The following SLAIN2 variants were observed in gnomAD, a reference collection of about 807,000 sequenced individuals.
SLAIN2 encodes SLAIN family member 2.
SLAIN2 carries 31 observed loss-of-function variants against 56.6 expected under a neutral mutation model. The observed-to-expected ratio is 0.55, with a 90% CI of 0.41 to 0.74. SLAIN2 has a LOEUF of 0.74. Among genes scored for constraint, SLAIN2 ranks in the 30% least tolerant of loss-of-function variants. SLAIN2 has a pLI of 0.00. For synonymous variants in SLAIN2, 317 were observed against 284.9 expected, an observed-to-expected ratio of 1.11 and a Z score of -1.13; for missense variants, 777 against 754.2, an observed-to-expected ratio of 1.03 and a Z score of -0.35.
At chr4:48,373,635 A>G (rs1352420831) in intron 2 of SLAIN2, among the ~76,000 whole-genome samples, 1 of 151,972 alleles carries the variant, frequency 6.6e-6, no homozygotes. Context: ...TTTTAGTGGT[A>G]TATATATATA....
intron 6 of SLAIN2, among the ~76,000 whole-genome samples, chr4:48,413,276 G>C (rs945160104): frequency 1.3e-5 from 2 of 151,774 alleles, no homozygotes; most frequent in Non-Finnish European, 2.9e-5. Flanking sequence ...TTTCTCTTTT[G>C]GTTCCTGGTA....
chr4:48,364,873 AGGGAGG>A (rs375928233), intron 1 of SLAIN2, among the ~76,000 whole-genome samples: 4,883 of 44,884 alleles, frequency 0.11, 138 homozygotes, highest in Admixed American at 0.18. Flanking sequence ...GAGACGGGAG[AGGGAGG>A]GGGAGGGGGA....
chr4:48,413,604 A>G (rs1716922605), intron 6 of SLAIN2, among the ~76,000 whole-genome samples: 1 of 152,234 alleles, frequency 6.6e-6, no homozygotes. Context: ...ACAGTATAGT[A>G]AGGGATCGTT....
At chr4:48,413,057 G>A (rs539859254) in intron 6 of SLAIN2, among the ~76,000 whole-genome samples, 11 of 151,922 alleles carry the variant, frequency 7.2e-5, no homozygotes, top group South Asian at 4.2e-4. Flanking sequence ...GCAAAACTCC[G>A]TCTCTACCAA....
Position 48,420,346 on chromosome 4 carries a change from G to A in SLAIN2, c.1582G>A (p.Gly528Arg). The change falls in exon 7 of 8, where the codon GGG becomes AGG. Residue 528 changes from glycine (G) to arginine (R), a missense_variant. Physicochemically the swap from Gly to Arg is moderately radical, Grantham distance 125. Transcript: ENST00000264313. ...CAGCGCTACTCTAACCAGACCTGCA[G>A]GGACAACTGCAATGAGAAGTGGCTT... ...INSATLTRPA[G>R]TTAMRSGLPR... The A allele has an allele frequency of 6.2e-7, 1 of 1,614,002 alleles. No homozygotes were observed. Among genetic ancestry groups the A allele is most frequent in the East Asian group, 2.2e-5 (1 of 44,884 alleles).
At chr4:48,376,809 G>GA (rs1715826975) in intron 2 of SLAIN2, among the ~76,000 whole-genome samples, 1 of 150,618 alleles carries the variant, frequency 6.6e-6, no homozygotes, top group African/African-American at 2.4e-5. Context: ...TTTTTTAGTA[G>GA]AGACGGGGTT....
chr4:48,398,573 G>T (rs924813865), intron 6 of SLAIN2, among the ~76,000 whole-genome samples: 8 of 152,164 alleles, frequency 5.3e-5, no homozygotes, highest in African/African-American at 1.9e-4. Context: ...CTTTGCCCAT[G>T]CCTGTGTCCT....
rs866181010 is a variant in SLAIN2 at position 48,342,184 on chromosome 4, C to T, written c.389+56C>T. On this transcript the variant is annotated intron_variant, in intron 1 of 7. Transcript: ENST00000264313. ...CGGGGACGGGCCCGGGGGCGGAGAGCGTCCTCTGAGGGTCCCTCTGGTCGG... is the reference window on the plus strand; with the variant it reads ...CGGGGACGGGCCCGGGGGCGGAGAGTGTCCTCTGAGGGTCCCTCTGGTCGG... 8.1e-5 allele frequency: 107 copies of T among 1,329,134 alleles called. 1 individual carries two copies. In the Middle Eastern group the frequency reaches 3.6e-3, roughly 45 times the overall value. 82.3% of individuals were successfully genotyped at this position (1,329,134 alleles called of 1,614,324 possible). A position where few individuals can be genotyped will look rare whatever the true frequency, so the allele number is the denominator to read the frequency against.
At chr4:48,406,609 A>G (rs371758483) in intron 6 of SLAIN2, among the ~76,000 whole-genome samples, 91 of 141,430 alleles carry the variant, frequency 6.4e-4, no homozygotes, top group African/African-American at 2.3e-3. Flanking sequence ...CACATACCTC[A>G]TTTAGTTTAG....
intron 1 of SLAIN2, among the ~76,000 whole-genome samples, chr4:48,363,255 C>G (rs1158473437): frequency 2.4e-5 from 1 of 42,488 alleles, no homozygotes; most frequent in African/African-American, 7.4e-5. Context: ...TCATCCTGGC[C>G]CGTTCTCAAT....
Position 48,341,879 on chromosome 4 carries a change from G to A in SLAIN2, c.140G>A (p.Gly47Asp). The A allele has an allele frequency of 1.3e-6, 2 of 1,516,834 alleles. No homozygotes were observed. The highest frequency in any genetic ancestry group is 1.8e-6 in the Non-Finnish European group (2 of 1,133,206). The allele number at this position is 1,516,834 out of a possible 1,614,324, so 94.0% of individuals were successfully genotyped here. ...CAGGGCGCCGGCTCCCTTGGGCCCG[G>A]CAGCCCGGTTCGGGCCGGCGCGTCC... ...AVQGAGSLGP[G>D]SPVRAGASIP... The change falls in exon 1 of 8, where the codon GGC (glycine) becomes GAC (aspartate). Residue 47 changes from glycine (G) to aspartate (D), a missense_variant. Physicochemically the swap from Gly to Asp is moderately conservative, Grantham distance 94 (BLOSUM62 -1). Coordinates refer to ENST00000264313, the MANE Select transcript of SLAIN2 (RefSeq NM_020846.2).
chr4:48,383,809 T>C (rs750839480), intron 6 of SLAIN2, 25 bp downstream of exon 6: 3 of 1,594,788 alleles, frequency 1.9e-6, no homozygotes, highest in East Asian at 2.2e-5. Context: ...TATGCTTTCA[T>C]GTATCAGTTA....
chr4:48,420,443 G>A lies in SLAIN2; in HGVS notation c.1679G>A (p.Arg560Lys). 6.2e-7 allele frequency: 1 copy of A among 1,613,110 alleles called. No homozygotes were observed. ...AGCAAACTTGCACAGCCTGTTCGCA[G>A]GTAAGTGGCAGATGTTCTGTTTCAG... Reference protein sequence around the residue: ...PRSKLAQPVRRSLPAPKTYGS... With the variant: ...PRSKLAQPVRKSLPAPKTYGS... Residue 560 changes from arginine to lysine, a missense_variant and splice_region_variant, in exon 7 of 8, where the codon AGA (arginine) becomes AAA (lysine). Coordinates refer to ENST00000264313, the MANE Select transcript of SLAIN2 (RefSeq NM_020846.2).
chr4:48,372,198 C>G (rs563548285), intron 2 of SLAIN2, among the ~76,000 whole-genome samples: 59 of 152,104 alleles, frequency 3.9e-4, no homozygotes, highest in Non-Finnish European at 6.6e-4. Context: ...AGGCATTGTT[C>G]TCAACACTGA....
chr4:48,367,848 A>G (rs1427392970), intron 1 of SLAIN2, among the ~76,000 whole-genome samples: 2 of 152,122 alleles, frequency 1.3e-5, no homozygotes, highest in Non-Finnish European at 2.9e-5. Flanking sequence ...TGTATTTACA[A>G]TGATCAAACC....
In SLAIN2 at chr4:48,412,411, CACACA is replaced by C. The variant is rs1560465876; in HGVS notation, c.1361-7713_1361-7709del. 5.7e-4 allele frequency among the ~76,000 whole-genome samples: 35 copies of C among 61,504 alleles called. 1 individual carries two copies. The highest frequency in any genetic ancestry group is 9.3e-4 in the Non-Finnish European group (26 of 28,062). 40.3% of individuals were successfully genotyped at this position (61,504 alleles called of 152,430 possible). ...ACACACACACACACACACACACACA[CACACA>C]TTCCCTCTCTCTCTCTCTCTCTGTG... On this transcript the variant is annotated intron_variant, in intron 6 of 7. Transcript: ENST00000264313.
At chr4:48,405,466 A>T (rs1213595294) in intron 6 of SLAIN2, among the ~76,000 whole-genome samples, 3 of 151,718 alleles carry the variant, frequency 2.0e-5, no homozygotes, top group South Asian at 2.1e-4. Context: ...CCACCAGATC[A>T]TTTGTTCTGC....
At chr4:48,403,138 C>T (rs191189900) in intron 6 of SLAIN2, among the ~76,000 whole-genome samples, 140 of 152,348 alleles carry the variant, frequency 9.2e-4, no homozygotes, top group Non-Finnish European at 1.0e-3. Flanking sequence ...CCCGAACTCT[C>T]CTTTATGAGG....
intron 1 of SLAIN2, among the ~76,000 whole-genome samples, chr4:48,355,279 G>T (rs1297772206): frequency 6.6e-6 from 1 of 152,192 alleles, no homozygotes; most frequent in Non-Finnish European, 1.5e-5. Flanking sequence ...GTGCCAGGAA[G>T]TTTTCTTTGG....
Sources: allele counts gnomAD v4.1 joint callset (sites outside exome capture counted in the v4.1 genomes callset), GRCh38; gene constraint gnomAD v4.1.1; transcripts MANE v1.5; gene names NCBI Gene and HGNC (gene_info 2026-07-23, HGNC 2026-07-21).